Variants in RAB36 observed in about 807,000 individuals in gnomAD.
The protein encoded by RAB36 is RAB36, member RAS oncogene family, also known as ras-related protein Rab-36.
A neutral mutation model predicts 39.3 loss-of-function variants in RAB36; 33 were observed. That is an observed-to-expected ratio of 0.84 (90% CI 0.64 to 1.12). RAB36 has a LOEUF of 1.12. Among genes scored for constraint, RAB36 ranks in the 50% most tolerant of loss-of-function variants. The pLI, the probability that RAB36 is intolerant of heterozygous loss-of-function variation, is 0.00. For missense variants in RAB36, 308 were observed against 355.3 expected (o/e 0.87, Z 1.07); for synonymous variants, 133 against 140.2 (o/e 0.95, Z 0.36).
chr22:23,162,883 A>C lies in RAB36; in HGVS notation c.*1319A>C. The C allele has an allele frequency of 2.8e-6, 1 of 363,240 alleles. No homozygotes were observed. The highest frequency in any genetic ancestry group is 2.2e-5 in the African/African-American group (1 of 46,000). 22.5% of individuals were successfully genotyped at this position (363,240 alleles called of 1,614,324 possible). A position where few individuals can be genotyped will look rare whatever the true frequency, so the allele number is the denominator to read the frequency against. On this transcript the variant is annotated 3_prime_UTR_variant, in exon 11 of 11. Coordinates refer to ENST00000263116, the MANE Select transcript of RAB36 (RefSeq NM_004914.5). ...TCTTTTTCTATTCATTCCCCCTTCA[A>C]CATATTTTTTGTAGTTTTTTATATA...
rs1434714540 is a variant in RAB36, at chr22:23,162,568, A to ACATG, written c.*1007_*1010dup. On this transcript the variant is annotated 3_prime_UTR_variant, in exon 11 of 11. Coordinates refer to ENST00000263116, the MANE Select transcript of RAB36 (RefSeq NM_004914.5). ...TCCTGTCTCCAACACCGCCTCCTGC[A>ACATG]CATGCAGAGCAGACAGAAATACCCC... 1 of 448,272 alleles carries ACATG rather than the reference A, an allele frequency of 2.2e-6. No homozygotes were observed. The highest frequency in any genetic ancestry group is 2.4e-5 in the Admixed American group (1 of 42,348). 27.8% of individuals were successfully genotyped at this position (448,272 alleles called of 1,614,324 possible).
In RAB36 at chr22:23,149,924, G is replaced by A. The variant is rs183283195; in HGVS notation, c.70-139G>A. ...AATAGAAGATACACATGACAAATGG[G>A]TCAGGGAAAGCTAATGAGGCTGCCA... On this transcript the variant is annotated intron_variant, in intron 2 of 10. Coordinates refer to ENST00000263116, the MANE Select transcript of RAB36 (RefSeq NM_004914.5). 4.8e-4 allele frequency: 333 copies of A among 697,544 alleles called. 1 individual carries two copies. In the African/African-American group the frequency reaches 5.2e-3, roughly 11 times the overall value. The allele number at this position is 697,544 out of a possible 1,614,324, so 43.2% of individuals were successfully genotyped here. A position where few individuals can be genotyped will look rare whatever the true frequency, so the allele number is the denominator to read the frequency against.
In RAB36 at chr22:23,162,820, A is replaced by G. The variant is rs1286632913; in HGVS notation, c.*1256A>G. 1 of 443,264 alleles carries G rather than the reference A, an allele frequency of 2.3e-6. No homozygotes were observed. The highest frequency in any genetic ancestry group is 4.6e-6 in the Non-Finnish European group (1 of 216,350). The allele number at this position is 443,264 out of a possible 1,614,324, so 27.5% of individuals were successfully genotyped here. On this transcript the variant is annotated 3_prime_UTR_variant, in exon 11 of 11. Coordinates refer to ENST00000263116, the MANE Select transcript of RAB36 (RefSeq NM_004914.5). ...CAGCTGCCCTGTAAATGTTCAGCTCAGCGATTGCCAAATACCAGTTAGGGA... is the reference window on the plus strand; with the variant it reads ...CAGCTGCCCTGTAAATGTTCAGCTCGGCGATTGCCAAATACCAGTTAGGGA...
intron 1 of RAB36, chr22:23,145,957 A>G: frequency 1.0e-6 from 1 of 985,050 alleles, no homozygotes; most frequent in Non-Finnish European, 1.2e-6. Context: ...CGTCCTTTGC[A>G]GACTGGGAGC....
Position 23,149,474 on chromosome 22 carries a change from G to A in RAB36, c.70-589G>A, listed in dbSNP as rs553915442. 1.6e-4 allele frequency among the ~76,000 whole-genome samples: 24 copies of A among 152,280 alleles called. 1 individual carries two copies. Among genetic ancestry groups the A allele is most frequent in the African/African-American group, 4.6e-4 (19 of 41,540 alleles). On this transcript the variant is annotated intron_variant, in intron 2 of 10. Coordinates refer to ENST00000263116, the MANE Select transcript of RAB36 (RefSeq NM_004914.5). Reference sequence around the variant, plus strand: ...CCAAGAAACGTGGACAGCAGAAAGCGCCTCCTAGGACATTTTCCAGGCACA... The same window carrying A: ...CCAAGAAACGTGGACAGCAGAAAGCACCTCCTAGGACATTTTCCAGGCACA...
chr22:23,163,418 A>ACG lies in RAB36; in HGVS notation c.*1854_*1855insCG, dbSNP rs1319496659. The ACG allele has an allele frequency of 6.7e-6, 1 of 148,896 alleles. No homozygotes were observed. Among genetic ancestry groups the ACG allele is most frequent in the Non-Finnish European group, 1.5e-5 (1 of 67,448 alleles). 9.2% of individuals were successfully genotyped at this position (148,896 alleles called of 1,614,324 possible). The stretch of plus-strand genomic sequence containing the variant: ...CTAATTTTTTATATTTTTAGTAGAG[A>ACG]GAGGTTTCACCGTGTTAGCCAGGAT... On this transcript the variant is annotated 3_prime_UTR_variant, in exon 11 of 11. Transcript: ENST00000263116.
intron 7 of RAB36, 107 bp from the exon 8 acceptor site, chr22:23,158,791 C>A: frequency 1.0e-6 from 1 of 995,198 alleles, no homozygotes; most frequent in East Asian, 2.6e-5. Context: ...CTCCTTGTCC[C>A]TCCCAGCCCA....
rs996679669 is a variant in RAB36, at chr22:23,162,719, G to A, written c.*1155G>A. 2.2e-6 allele frequency: 1 copy of A among 456,130 alleles called. No individual in the cohort carries two copies. 28.3% of individuals were successfully genotyped at this position (456,130 alleles called of 1,614,324 possible). On this transcript the variant is annotated 3_prime_UTR_variant, in exon 11 of 11. Coordinates refer to ENST00000263116, the MANE Select transcript of RAB36 (RefSeq NM_004914.5). The stretch of plus-strand genomic sequence containing the variant: ...CCACTCATCCCACCCGTCTCGTGCT[G>A]TTGCTTCCCGTAGATGGCGAGCACC...
chr22:23,163,169 C>G lies in RAB36; in HGVS notation c.*1605C>G, dbSNP rs762609964. ...CAGGTGACCTGCCCACCTCGGCCTC[C>G]CGAAGTGCTGGGATTACAAGGGTGA... On this transcript the variant is annotated 3_prime_UTR_variant, in exon 11 of 11. Coordinates refer to ENST00000263116, the MANE Select transcript of RAB36 (RefSeq NM_004914.5). The G allele has an allele frequency of 6.0e-6, 1 of 167,522 alleles. No homozygotes were observed. Among genetic ancestry groups the G allele is most frequent in the East Asian group, 1.8e-4 (1 of 5,496 alleles). 10.4% of individuals were successfully genotyped at this position (167,522 alleles called of 1,614,324 possible).
upstream of RAB36, chr22:23,145,381 G>A (rs1411995030): frequency 2.7e-5 from 43 of 1,607,922 alleles, no homozygotes; most frequent in Non-Finnish European, 3.6e-5. Flanking sequence ...GATCGCCGGT[G>A]CAAGCTGGAT....
At position 23,159,167 on chromosome 22, in the gene RAB36, G is replaced by A; in HGVS notation, c.533G>A (p.Gly178Glu). Residue 178 changes from glycine to glutamate, a missense_variant, in exon 9 of 11, where the codon GGG (glycine) becomes GAG (glutamate). Gly to Glu is a moderately conservative substitution (Grantham distance 98, BLOSUM62 -2). Coordinates refer to ENST00000263116, the MANE Select transcript of RAB36 (RefSeq NM_004914.5). Reference protein sequence around the residue: ...LVGTKKDLLSGAACEQAEADA... With the variant: ...LVGTKKDLLSEAACEQAEADA... ...AACAAGGGCCATTTCTCCCAGTCAG[G>A]GGCCGCATGTGAGCAGGCCGAAGCA... 6.2e-7 allele frequency: 1 copy of A among 1,611,284 alleles called. No individual in the cohort carries two copies. The highest frequency in any genetic ancestry group is 1.1e-5 in the South Asian group (1 of 90,494).
chr22:23,168,652 G>A (rs573822468), downstream of RAB36, among the ~76,000 whole-genome samples: 1 of 152,176 alleles, frequency 6.6e-6, no homozygotes, highest in Non-Finnish European at 1.5e-5. Flanking sequence ...CAGCCAGGAC[G>A]TATGACTGTC....
At chr22:23,151,862 G>A (rs908212011) in intron 3 of RAB36, among the ~76,000 whole-genome samples, 6 of 152,194 alleles carry the variant, frequency 3.9e-5, no homozygotes, top group African/African-American at 7.2e-5. Context: ...GCCACAGCCC[G>A]GATGCATAGA....
Position 23,158,963 on chromosome 22 carries a change from C to A in RAB36, c.512C>A (p.Thr171Asn). 1 of 1,614,178 alleles carries A rather than the reference C, an allele frequency of 6.2e-7. No homozygotes were observed. The highest frequency in any genetic ancestry group is 8.5e-7 in the Non-Finnish European group (1 of 1,179,998). The change falls in exon 8 of 11, where the codon ACC (threonine) becomes AAC (asparagine). Residue 171 changes from threonine (T) to asparagine (N), a missense_variant. Physicochemically the swap from Thr to Asn is moderately conservative, Grantham distance 65 (BLOSUM62 0). Coordinates refer to ENST00000263116, the MANE Select transcript of RAB36 (RefSeq NM_004914.5). ...AGSCFIFLVG[T>N]KKDLLSGAAC... ...TCCTGCTTCATCTTCCTCGTGGGAA[C>A]CAAGAAGGACCTTCTGGTGAGCAGA...
chr22:23,153,046 GT>G lies in RAB36; in HGVS notation c.246del (p.Phe82LeufsTer51), dbSNP rs781219028. The G allele has an allele frequency of 6.2e-7, 1 of 1,614,060 alleles. No individual in the cohort carries two copies. The highest frequency in any genetic ancestry group is 1.1e-5 in the South Asian group (1 of 91,082). ...CATCCCCCACAGGTTTTGCAAGAAT[GT>G]TTTTGATCGAGACTACAAGGCCACC... ...TSLIHRFCKNVFDRDYKATIG... is the reference protein window; with the variant it reads ...TSLIHRFCKNXFDRDYKATIG... On this transcript the variant is annotated frameshift_variant, in exon 5 of 11. Coordinates refer to ENST00000263116, the MANE Select transcript of RAB36 (RefSeq NM_004914.5). LOFTEE classifies it high-confidence loss of function.
At chr22:23,156,287 C>T (rs570211074) in intron 6 of RAB36, 1 of 416,804 alleles carries the variant, frequency 2.4e-6, no homozygotes, top group African/African-American at 2.1e-5. Context: ...CCAGTTTCAG[C>T]TCATAAAGAT....
downstream of RAB36, among the ~76,000 whole-genome samples, chr22:23,166,203 A>G (rs374122242): frequency 1.7e-4 from 25 of 147,216 alleles, no homozygotes; most frequent in African/African-American, 5.7e-4. Flanking sequence ...ACAAGCCCCA[A>G]TGTGTAAGTG....
chr22:23,148,672 C>T (rs908951998), intron 2 of RAB36, among the ~76,000 whole-genome samples: 3 of 152,246 alleles, frequency 2.0e-5, no homozygotes, highest in African/African-American at 7.2e-5. Context: ...CTTCAGACTG[C>T]TTGCCAGGCA....
Position 23,153,204 on chromosome 22 carries a change from T to C in RAB36, c.329+70T>C, listed in dbSNP as rs191413968. On this transcript the variant is annotated intron_variant, in intron 5 of 10. Coordinates refer to ENST00000263116, the MANE Select transcript of RAB36 (RefSeq NM_004914.5). ...GCACCTGAGAAAGGATTTGGGGAGCTCCTTCACTGTGTCCATGTCAAGGAG... is the reference window on the plus strand; with the variant it reads ...GCACCTGAGAAAGGATTTGGGGAGCCCCTTCACTGTGTCCATGTCAAGGAG... 3.4e-4 allele frequency: 387 copies of C among 1,153,962 alleles called. 1 individual carries two copies. Among genetic ancestry groups the C allele is most frequent in the East Asian group, 2.2e-3 (95 of 42,736 alleles). The allele number at this position is 1,153,962 out of a possible 1,614,324, so 71.5% of individuals were successfully genotyped here. A position where few individuals can be genotyped will look rare whatever the true frequency, so the allele number is the denominator to read the frequency against.
Sources: allele counts gnomAD v4.1 joint callset (sites outside exome capture counted in the v4.1 genomes callset), GRCh38; gene constraint gnomAD v4.1.1; transcripts MANE v1.5; gene names NCBI Gene and HGNC (gene_info 2026-07-23, HGNC 2026-07-21).